Variants in AGO4 observed in about 807,000 individuals in gnomAD.
AGO4 encodes argonaute RISC component 4.
In AGO4, 33 loss-of-function variants were observed where a neutral mutation model predicts 104.7. The observed-to-expected ratio is 0.32, with a 90% CI of 0.24 to 0.42. The LOEUF is 0.42. AGO4 is among the 10% of genes least tolerant of loss of function. The pLI is 1.00. For missense variants in AGO4, 711 were observed against 1,083.4 expected (o/e 0.66, Z 4.83); for synonymous variants, 331 against 364.7 (o/e 0.91, Z 1.05).
chr1:35,808,344 G>A lies in AGO4; in HGVS notation c.-73G>A, dbSNP rs1643365715. The stretch of plus-strand genomic sequence containing the variant: ...TTCCGGAGATCAAGCGTTACGCGGC[G>A]GCGGCGGCGGCGGCGGCGGGGCCCG... On this transcript the variant is annotated 5_prime_UTR_variant, in exon 1 of 18. Coordinates refer to ENST00000373210, the MANE Select transcript of AGO4 (RefSeq NM_017629.4). The surrounding 1 kb of genome is among the most constrained non-coding windows in gnomAD (Gnocchi z 5.2). The A allele has an allele frequency of 2.3e-6, 2 of 871,986 alleles. No homozygotes were observed. The highest frequency in any genetic ancestry group is 2.8e-6 in the Non-Finnish European group (2 of 722,810). The allele number at this position is 871,986 out of a possible 1,614,324, so 54.0% of individuals were successfully genotyped here.
chr1:35,838,585 G>GT (rs912993833), intron 13 of AGO4, among the ~76,000 whole-genome samples: 84 of 151,932 alleles, frequency 5.5e-4, no homozygotes, highest in African/African-American at 1.8e-3. Context: ...CCCTTCATAG[G>GT]TTTTTTTTGT....
chr1:35,851,002 G>C lies in AGO4; in HGVS notation c.2426G>C (p.Arg809Pro). ...ATTCCAGCCCCTGCATATTATGCCC[G>C]GCTTGTAGCATTTAGGGCAAGGTAT... ...VSIPAPAYYA[R>P]LVAFRARYHL... The change falls in exon 17 of 18, where the codon CGG becomes CCG. Residue 809 changes from arginine to proline, a missense_variant. Physicochemically the swap from Arg to Pro is moderately radical, Grantham distance 103. Coordinates refer to ENST00000373210, the MANE Select transcript of AGO4 (RefSeq NM_017629.4). The C allele has an allele frequency of 6.2e-7, 1 of 1,613,860 alleles. No homozygotes were observed. Among genetic ancestry groups the C allele is most frequent in the African/African-American group, 1.3e-5 (1 of 74,948 alleles).
At chr1:35,827,079 G>C (rs916275812) in intron 7 of AGO4, among the ~76,000 whole-genome samples, 2 of 151,824 alleles carry the variant, frequency 1.3e-5, no homozygotes, top group African/African-American at 4.8e-5. Context: ...GCGGGTACCT[G>C]TAACACCAGG....
At chr1:35,820,740 A>C (rs1643872253) in intron 2 of AGO4, among the ~76,000 whole-genome samples, 1 of 152,162 alleles carries the variant, frequency 6.6e-6, no homozygotes, top group Non-Finnish European at 1.5e-5. Flanking sequence ...TAAAAAGGAA[A>C]AATTTCATGA....
chr1:35,820,523 A>G (rs896423050), intron 2 of AGO4, among the ~76,000 whole-genome samples: 1 of 151,810 alleles, frequency 6.6e-6, no homozygotes, highest in African/African-American at 2.4e-5. Flanking sequence ...ACACCTGGCT[A>G]ATTTTTTATT....
In AGO4 at chr1:35,835,741, G is replaced by A. The variant is rs942488681; in HGVS notation, c.1565-93G>A. ...TAGCACAGTGTACAGTATATAGTAGGTTATAAAGTTAATGTGTGGGGTTTT... is the reference window on the plus strand; with the variant it reads ...TAGCACAGTGTACAGTATATAGTAGATTATAAAGTTAATGTGTGGGGTTTT... On this transcript the variant is annotated intron_variant, in intron 12 of 17. Transcript: ENST00000373210. 10 of 1,085,206 alleles carry A rather than the reference G, an allele frequency of 9.2e-6. No individual in the cohort carries two copies. In the Admixed American group the frequency reaches 2.7e-4, roughly 29 times the overall value. The allele number at this position is 1,085,206 out of a possible 1,614,324, so 67.2% of individuals were successfully genotyped here.
At position 35,808,188 on chromosome 1, in the gene AGO4, C is replaced by T. The variant is rs1643359108; in HGVS notation, c.-229C>T. The T allele has an allele frequency of 1.2e-5, 2 of 161,580 alleles. No individual in the cohort carries two copies. Among genetic ancestry groups the T allele is most frequent in the Admixed American group, 6.6e-5 (1 of 15,038 alleles). The allele number at this position is 161,580 out of a possible 1,614,324, so 10.0% of individuals were successfully genotyped here. ...CTCCCGTTGGCGGCGGCGGCGGCGG[C>T]GGCGGCGGGGATTGTTTTTGTTGTC... On this transcript the variant is annotated 5_prime_UTR_variant, in exon 1 of 18. Transcript: ENST00000373210. This position sits in a 1 kb window ranked among gnomAD's most constrained non-coding sequence, Gnocchi z 5.2.
chr1:35,850,817 C>CG (rs1644685145), intron 16 of AGO4, 37 bp from the exon 17 acceptor site: 1 of 978,568 alleles, frequency 1.0e-6, no homozygotes, highest in African/African-American at 1.9e-5. Context: ...AAAAAACGAA[C>CG]AAAAAAAAAA....
intron 2 of AGO4, among the ~76,000 whole-genome samples, chr1:35,817,857 A>G (rs567493286): frequency 2.0e-5 from 3 of 152,314 alleles, no homozygotes; most frequent in Non-Finnish European, 2.9e-5. Flanking sequence ...ACTGAGATCA[A>G]TAGTAGTAGA....
intron 17 of AGO4, among the ~76,000 whole-genome samples, chr1:35,851,517 A>T (rs1039851636): frequency 1.7e-4 from 26 of 152,188 alleles, no homozygotes; most frequent in African/African-American, 6.0e-4. Context: ...GATGATTCTC[A>T]CTCTCAAATA....
At chr1:35,831,785 A>G in intron 8 of AGO4, 27 bp from the exon 9 acceptor site, 1 of 1,613,754 alleles carries the variant, frequency 6.2e-7, no homozygotes. Flanking sequence ...CCTTTACACA[A>G]ACCAATTTCT....
At chr1:35,837,332 C>T (rs1396074736) in intron 13 of AGO4, among the ~76,000 whole-genome samples, 1 of 151,698 alleles carries the variant, frequency 6.6e-6, no homozygotes, top group African/African-American at 2.4e-5. Flanking sequence ...GATCCGCCTA[C>T]CTCAGCCTCC....
At chr1:35,830,433 TTA>T (rs1366897533) in intron 7 of AGO4, among the ~76,000 whole-genome samples, 1 of 152,192 alleles carries the variant, frequency 6.6e-6, no homozygotes, top group African/African-American at 2.4e-5. Flanking sequence ...CTCCAAATCT[TTA>T]TGTTAATTTG....
chr1:35,827,594 C>CA (rs1440228937), intron 7 of AGO4, among the ~76,000 whole-genome samples: 2 of 151,960 alleles, frequency 1.3e-5, no homozygotes, highest in South Asian at 4.2e-4. Flanking sequence ...CTTTTAACAC[C>CA]AAAGTTTTAA....
chr1:35,849,993 G>A (rs1644662366), intron 15 of AGO4, among the ~76,000 whole-genome samples, 164 bp from the exon 16 acceptor site: 1 of 152,130 alleles, frequency 6.6e-6, no homozygotes, highest in South Asian at 2.1e-4. Flanking sequence ...TAAAATGGTT[G>A]GGCTAAGGGA....
chr1:35,825,624 A>G, intron 4 of AGO4, 55 bp from the exon 5 acceptor site: 1 of 1,529,914 alleles, frequency 6.5e-7, no homozygotes, highest in Non-Finnish European at 8.8e-7. Flanking sequence ...TTGAGAGTGA[A>G]ATGAAGGACC....
At chr1:35,848,441 A>G (rs1371568211) in intron 15 of AGO4, among the ~76,000 whole-genome samples, 1 of 76,300 alleles carries the variant, frequency 1.3e-5, no homozygotes, top group African/African-American at 2.7e-5. Flanking sequence ...GTTACAGTTT[A>G]TTGTATACAC....
chr1:35,825,325 G>T lies in AGO4; in HGVS notation c.319G>T (p.Val107Leu). 6.2e-7 allele frequency: 1 copy of T among 1,613,874 alleles called. No homozygotes were observed. The highest frequency in any genetic ancestry group is 1.7e-5 in the Admixed American group (1 of 59,984). The change falls in exon 4 of 18, where the codon GTG (valine) becomes TTG (leucine). Residue 107 changes from valine to leucine, a missense_variant. Coordinates refer to ENST00000373210, the MANE Select transcript of AGO4 (RefSeq NM_017629.4). ...PIGRDRVDMEVTLPGEGKDQT... is the reference protein window; with the variant it reads ...PIGRDRVDMELTLPGEGKDQT... Reference sequence around the variant, plus strand: ...TTTTTTTCCTTAGGTTGATATGGAGGTGACTCTTCCAGGCGAGGGTAAAGA... The same window carrying T: ...TTTTTTTCCTTAGGTTGATATGGAGTTGACTCTTCCAGGCGAGGGTAAAGA...
At chr1:35,822,346 C>G (rs1643904600) in intron 2 of AGO4, among the ~76,000 whole-genome samples, 1 of 152,166 alleles carries the variant, frequency 6.6e-6, no homozygotes, top group Non-Finnish European at 1.5e-5. Flanking sequence ...ACCTCCGCTT[C>G]CCAGGTTCAA....
Sources: allele counts gnomAD v4.1 joint callset (sites outside exome capture counted in the v4.1 genomes callset), GRCh38; gene constraint gnomAD v4.1.1; non-coding constraint Gnocchi (gnomAD v3.1); transcripts MANE v1.5; gene names NCBI Gene and HGNC (gene_info 2026-07-23, HGNC 2026-07-21).